Variants in SOS1 observed in about 807,000 individuals in gnomAD.
SOS1 encodes the protein SOS Ras/Rac guanine nucleotide exchange factor 1.
SOS1 carries 25 observed loss-of-function variants against 157.6 expected under a neutral mutation model. That is an observed-to-expected ratio of 0.16 (90% CI 0.12 to 0.22). The LOEUF is 0.22. Among genes scored for constraint, SOS1 ranks in the 10% least tolerant of loss-of-function variants. SOS1 has a pLI of 1.00. For synonymous variants in SOS1, 528 were observed against 534.0 expected (o/e 0.99, Z 0.16); for missense variants, 1,237 against 1,599.1 (o/e 0.77, Z 3.86).
chr2:39,065,677 G>A lies in SOS1; in HGVS notation c.213+1951C>T, dbSNP rs148304974. 8.0e-3 allele frequency among the ~76,000 whole-genome samples: 1,224 copies of A among 152,196 alleles called. 7 individuals are homozygous for A. Among genetic ancestry groups the A allele is most frequent in the Middle Eastern group, 0.014 (4 of 294 alleles). ...TCTCCTACCTGGTATCAGAATGCAT[G>A]CTCAAAAAGCTAGACTTTCTGGTTA... On this transcript the variant is annotated intron_variant, in intron 2 of 22. Transcript: ENST00000402219.
intron 2 of SOS1, among the ~76,000 whole-genome samples, chr2:39,065,615 AC>A (rs1026067291): frequency 5.3e-5 from 8 of 152,060 alleles, no homozygotes; most frequent in African/African-American, 1.9e-4. Flanking sequence ...GAACTCTAGT[AC>A]CCTTTTCTCT....
At chr2:39,006,671 A>G in intron 16 of SOS1, 142 bp from the exon 17 acceptor site, 1 of 681,524 alleles carries the variant, frequency 1.5e-6, no homozygotes, top group Non-Finnish European at 2.6e-6. Flanking sequence ...TATTGCTTCA[A>G]ATAAATTATC....
intron 1 of SOS1, among the ~76,000 whole-genome samples, chr2:39,114,786 A>T (rs1438715275): frequency 6.6e-6 from 1 of 151,988 alleles, no homozygotes; most frequent in Non-Finnish European, 1.5e-5. Context: ...TAGTAAAGAC[A>T]GGGGTTTCAC....
intron 15 of SOS1, among the ~76,000 whole-genome samples, chr2:39,009,251 G>T (rs1457987904): frequency 6.6e-6 from 1 of 151,346 alleles, no homozygotes; most frequent in Non-Finnish European, 1.5e-5. Context: ...TAGTATATTT[G>T]AACTGAAAAA....
chr2:38,982,640 G>A lies in SOS1; in HGVS notation c.*3184C>T, dbSNP rs938373275. 1.3e-5 allele frequency: 2 copies of A among 152,024 alleles called. No individual in the cohort carries two copies. Among genetic ancestry groups the A allele is most frequent in the Non-Finnish European group, 2.9e-5 (2 of 67,972 alleles). The allele number at this position is 152,024 out of a possible 1,614,324, so 9.4% of individuals were successfully genotyped here. A position where few individuals can be genotyped will look rare whatever the true frequency, so the allele number is the denominator to read the frequency against. On this transcript the variant is annotated 3_prime_UTR_variant, in exon 23 of 23. Transcript: ENST00000402219. ...CTTTCTAAATCTGAAGGAACAAAAA[G>A]GTTTTCTTCAATATGTACAACACTA...
intron 1 of SOS1, among the ~76,000 whole-genome samples, chr2:39,106,223 G>A: frequency 6.6e-6 from 1 of 151,042 alleles, no homozygotes; most frequent in Non-Finnish European, 1.5e-5. Context: ...AAATCAGCAT[G>A]AAGCATTAAA....
rs546457137 is a variant in SOS1, at chr2:39,077,541, C to T, written c.88-9788G>A. 2.0e-5 allele frequency among the ~76,000 whole-genome samples: 3 copies of T among 152,162 alleles called. No individual in the cohort carries two copies. The East Asian group carries it at 5.8e-4, about 29-fold the overall frequency. ...TTAGAAGAGCCAAGAACAACTAAGG[C>T]ACTCCTAAAGAAAAATCAGGCAAAA... is the stretch of plus-strand genomic sequence containing the variant. On this transcript the variant is annotated intron_variant, in intron 1 of 22. Coordinates refer to ENST00000402219, the MANE Select transcript of SOS1 (RefSeq NM_005633.4).
intron 6 of SOS1, among the ~76,000 whole-genome samples, chr2:39,044,772 G>A (rs142350164): frequency 5.3e-5 from 8 of 152,246 alleles, no homozygotes; most frequent in African/African-American, 9.6e-5. Flanking sequence ...GCACTTAAGC[G>A]TGTGTGGATT....
At chr2:39,111,306 A>G (rs890065936) in intron 1 of SOS1, among the ~76,000 whole-genome samples, 1 of 152,218 alleles carries the variant, frequency 6.6e-6, no homozygotes, top group African/African-American at 2.4e-5. Context: ...CAAACATAAT[A>G]AAATTGTAAT....
chr2:39,021,698 C>T (rs1416623022), intron 10 of SOS1, among the ~76,000 whole-genome samples: 2 of 151,474 alleles, frequency 1.3e-5, no homozygotes, highest in African/African-American at 4.8e-5. Flanking sequence ...TCTAAGGGGA[C>T]TTAAAAACCA....
rs1553362598 is a variant in SOS1 at position 39,056,729 on chromosome 2, A to G, written c.483T>C (p.Asp161=). ...NIRHYEITKQ[D]IKVAMCADKV... is the part of the protein sequence containing the mutation. ...TGTCAGCACACATTGCCACTTTAAT[A>G]TCTTGTTTTGTAATTTCATAATGCC... Residue 161 remains aspartate (D), a synonymous_variant, in exon 4 of 23, where the codon GAT becomes GAC. Coordinates refer to ENST00000402219, the MANE Select transcript of SOS1 (RefSeq NM_005633.4). 1 of 1,608,548 alleles carries G rather than the reference A, an allele frequency of 6.2e-7. No homozygotes were observed. Among genetic ancestry groups the G allele is most frequent in the Non-Finnish European group, 8.5e-7 (1 of 1,175,080 alleles).
intron 1 of SOS1, among the ~76,000 whole-genome samples, chr2:39,093,948 A>G (rs1672680773): frequency 6.6e-6 from 1 of 152,234 alleles, no homozygotes; most frequent in Non-Finnish European, 1.5e-5. Flanking sequence ...TATTGATAAT[A>G]TCTGAAAAAG....
intron 22 of SOS1, 148 bp from the exon 23 acceptor site, chr2:38,986,463 TA>T (rs1256377337): frequency 1.2e-4 from 100 of 800,142 alleles, no homozygotes; most frequent in Middle Eastern, 7.5e-4. Context: ...TCTTTTTAAT[TA>T]AAAAAAAATT....
intron 1 of SOS1, among the ~76,000 whole-genome samples, chr2:39,108,129 C>T (rs1673274343): frequency 6.6e-6 from 1 of 152,164 alleles, no homozygotes; most frequent in South Asian, 2.1e-4. Flanking sequence ...CACTGCCCTG[C>T]TCAATTCAAT....
In SOS1 at chr2:39,055,335, T is replaced by C. The variant is rs141042527; in HGVS notation, c.511-512A>G. 1.1e-4 allele frequency among the ~76,000 whole-genome samples: 16 copies of C among 152,292 alleles called. 1 individual carries two copies. The East Asian group carries it at 2.9e-3, about 28-fold the overall frequency. ...CTTCTTGAGAACTTCTACAGCATCA[T>C]ATCTCTATAACACAATAAAATATTA... On this transcript the variant is annotated intron_variant, in intron 4 of 22. Coordinates refer to ENST00000402219, the MANE Select transcript of SOS1 (RefSeq NM_005633.4).
At chr2:39,089,857 C>T (rs572320943) in intron 1 of SOS1, among the ~76,000 whole-genome samples, 16 of 151,156 alleles carry the variant, frequency 1.1e-4, no homozygotes, top group African/African-American at 3.2e-4. Flanking sequence ...CCAGGCACAG[C>T]GGCTCACACC....
intron 1 of SOS1, among the ~76,000 whole-genome samples, chr2:39,112,789 A>G (rs1352366741): frequency 6.6e-6 from 1 of 152,210 alleles, no homozygotes; most frequent in East Asian, 1.9e-4. Context: ...CTGTAATCTC[A>G]GCACTTCGGT....
intron 10 of SOS1, among the ~76,000 whole-genome samples, chr2:39,015,591 G>A (rs748767396): frequency 6.6e-6 from 1 of 151,838 alleles, no homozygotes; most frequent in African/African-American, 2.4e-5. Context: ...ACAAGAGGCT[G>A]AGTGTGATCA....
chr2:38,982,015 C>T lies in SOS1; in HGVS notation c.*3809G>A, dbSNP rs1668412831. ...GGCAGCTACTGAAAGTGGCATGCAT[C>T]TGGCACAGGTGCGCTCTCCCTAAGC... On this transcript the variant is annotated 3_prime_UTR_variant, in exon 23 of 23. Coordinates refer to ENST00000402219, the MANE Select transcript of SOS1 (RefSeq NM_005633.4). 1 of 152,160 alleles carries T rather than the reference C, an allele frequency of 6.6e-6. No homozygotes were observed. Among genetic ancestry groups the T allele is most frequent in the South Asian group, 2.1e-4 (1 of 4,836 alleles). 9.4% of individuals were successfully genotyped at this position (152,160 alleles called of 1,614,324 possible).
Sources: allele counts gnomAD v4.1 joint callset (sites outside exome capture counted in the v4.1 genomes callset), GRCh38; gene constraint gnomAD v4.1.1; transcripts MANE v1.5; gene names NCBI Gene and HGNC (gene_info 2026-07-23, HGNC 2026-07-21).